CSGALNACT1: variants seen among roughly 807,000 people sequenced by gnomAD.
CSGALNACT1 encodes chondroitin sulfate N-acetylgalactosaminyltransferase 1, also known as beta4GalNAcT-1.
A neutral mutation model predicts 51.0 loss-of-function variants in CSGALNACT1; 52 were observed. That is an observed-to-expected ratio of 1.02 (90% CI 0.82 to 1.29). CSGALNACT1 has a LOEUF of 1.29. Ranked by LOEUF, CSGALNACT1 falls within the 50% of genes most tolerant of loss-of-function variation. CSGALNACT1 has a pLI of 0.00. For missense variants in CSGALNACT1, 935 were observed against 679.2 expected (o/e 1.38, Z -4.19); for synonymous variants, 341 against 254.4 (o/e 1.34, Z -3.24).
At chr8:19,569,328 A>T (rs2042523092) in intron 3 of CSGALNACT1, among the ~76,000 whole-genome samples, 2 of 152,158 alleles carry the variant, frequency 1.3e-5, no homozygotes, top group South Asian at 4.1e-4. Flanking sequence ...TCATAACTTG[A>T]CTCACACTGC....
At chr8:19,601,739 GGTTT>G (rs1190017851) in intron 2 of CSGALNACT1, 28 bp downstream of exon 2, 6 of 446,476 alleles carry the variant, frequency 1.3e-5, no homozygotes, top group South Asian at 1.6e-5. Context: ...ACCATGCAAA[GGTTT>G]GTTTCTTGAG....
At chr8:19,543,965 A>C (rs1281045855) in intron 3 of CSGALNACT1, among the ~76,000 whole-genome samples, 2 of 152,132 alleles carry the variant, frequency 1.3e-5, no homozygotes, top group Non-Finnish European at 2.9e-5. Context: ...ATTCTTCCTG[A>C]TCAGCTTAGA....
intron 5 of CSGALNACT1, among the ~76,000 whole-genome samples, chr8:19,449,595 T>C (rs2062733098): frequency 6.6e-6 from 1 of 152,146 alleles, no homozygotes; most frequent in African/African-American, 2.4e-5. Flanking sequence ...TTAATGGTTC[T>C]AGGCCAAAAA....
chr8:19,620,858 C>A (rs1432028743), intron 1 of CSGALNACT1, among the ~76,000 whole-genome samples: 1 of 152,188 alleles, frequency 6.6e-6, no homozygotes, highest in Non-Finnish European at 1.5e-5. Context: ...GATGCTCCTT[C>A]TCAAGTCCAA....
In CSGALNACT1 at chr8:19,708,223, T is replaced by C. The variant is rs187955722; in HGVS notation, c.-297+49627A>G. Among the ~76,000 whole-genome samples the C allele has an allele frequency of 3.6e-4, 55 of 152,266 alleles. 1 individual carries two copies. Among genetic ancestry groups the C allele is most frequent in the Middle Eastern group, 3.4e-3 (1 of 294 alleles). ...TTCTAATGGTGAAATTATGCAAATG[T>C]TTCTTACATGCAAAGAAATGTGCAC... On this transcript the variant is annotated intron_variant, in intron 1 of 1. Transcript: ENST00000517494.
intron 3 of CSGALNACT1, among the ~76,000 whole-genome samples, chr8:19,589,571 C>T (rs1395784219): frequency 6.6e-6 from 1 of 152,122 alleles, no homozygotes; most frequent in Non-Finnish European, 1.5e-5. Context: ...CCTCAAGTGA[C>T]CTTCCCACCT....
At chr8:19,486,888 T>C (rs1055694660) in intron 4 of CSGALNACT1, among the ~76,000 whole-genome samples, 8 of 152,176 alleles carry the variant, frequency 5.3e-5, no homozygotes, top group Admixed American at 5.2e-4. Flanking sequence ...GGACAGTACC[T>C]GGCGCACAGT....
chr8:19,495,536 A>T (rs2075303133), intron 4 of CSGALNACT1, among the ~76,000 whole-genome samples: 1 of 152,146 alleles, frequency 6.6e-6, no homozygotes, highest in Non-Finnish European at 1.5e-5. Context: ...TCAGTGAGAG[A>T]GGGACTATCC....
upstream of CSGALNACT1, among the ~76,000 whole-genome samples, chr8:19,606,186 A>T (rs2051338475): frequency 6.6e-6 from 1 of 152,250 alleles, no homozygotes; most frequent in Non-Finnish European, 1.5e-5. Flanking sequence ...ACACCACGAG[A>T]TGAGATATGT....
intron 1 of CSGALNACT1, among the ~76,000 whole-genome samples, chr8:19,725,974 A>G (rs1169124607): frequency 6.6e-6 from 1 of 152,212 alleles, no homozygotes; most frequent in African/African-American, 2.4e-5. Context: ...CAAATGTACA[A>G]TGACATGGAG....
upstream of CSGALNACT1, chr8:19,682,735 C>T: frequency 2.2e-6 from 1 of 454,106 alleles, no homozygotes; most frequent in South Asian, 1.6e-5. Flanking sequence ...ACAGCCTGAG[C>T]AAGGCTGCGG....
chr8:19,631,216 T>C (rs1349649565), intron 1 of CSGALNACT1, among the ~76,000 whole-genome samples: 1 of 152,176 alleles, frequency 6.6e-6, no homozygotes, highest in Non-Finnish European at 1.5e-5. Flanking sequence ...GAAATATCAA[T>C]GATCTTGATT....
chr8:19,506,162 A>C, intron 3 of CSGALNACT1, 32 bp from the exon 3 acceptor site: 2 of 544,736 alleles, frequency 3.7e-6, no homozygotes, highest in Non-Finnish European at 7.0e-6. Flanking sequence ...ATCAACACTT[A>C]ATCAAGACAA....
chr8:19,699,207 C>G (rs1405268848), intron 1 of CSGALNACT1, among the ~76,000 whole-genome samples: 1 of 152,124 alleles, frequency 6.6e-6, no homozygotes, highest in Middle Eastern at 3.4e-3. Context: ...TGACTCATTG[C>G]TATTTTTCTT....
At chr8:19,449,810 A>T (rs576158309) in intron 5 of CSGALNACT1, among the ~76,000 whole-genome samples, 1 of 152,032 alleles carries the variant, frequency 6.6e-6, no homozygotes, top group Non-Finnish European at 1.5e-5. Flanking sequence ...GAATTGAGAA[A>T]GATTTTTTTT....
chr8:19,612,855 C>T (rs112028042), intron 1 of CSGALNACT1, among the ~76,000 whole-genome samples: 1,879 of 145,818 alleles, frequency 0.013, 54 homozygotes, highest in African/African-American at 0.045. Context: ...GACATAAAAG[C>T]GAGAGAGCAA....
intron 3 of CSGALNACT1, among the ~76,000 whole-genome samples, chr8:19,507,879 G>A (rs62493860): frequency 0.022 from 3,327 of 152,246 alleles, 61 homozygotes; most frequent in Non-Finnish European, 0.03. Flanking sequence ...CGCCCGCCTC[G>A]GCCTCCCAAA....
intron 5 of CSGALNACT1, among the ~76,000 whole-genome samples, chr8:19,446,076 G>A (rs765171582): frequency 2.6e-5 from 4 of 152,150 alleles, no homozygotes; most frequent in Admixed American, 6.5e-5. Flanking sequence ...TTGGGAGGCC[G>A]AGGGAGGAGA....
At chr8:19,491,395 GA>G (rs1329557182) in intron 4 of CSGALNACT1, among the ~76,000 whole-genome samples, 2 of 152,044 alleles carry the variant, frequency 1.3e-5, no homozygotes, top group Non-Finnish European at 2.9e-5. Flanking sequence ...GAAAATACTG[GA>G]AAAAGCTATG....
Sources: gnomAD v4.1 joint callset for allele counts (sites outside exome capture counted in the v4.1 genomes callset) on GRCh38, gnomAD v4.1.1 for gene constraint, MANE v1.5 for transcripts, NCBI Gene and HGNC (gene_info 2026-07-23, HGNC 2026-07-21) for gene names.